The following GPC6 variants were observed in gnomAD, a reference collection of about 807,000 sequenced individuals.
The protein encoded by GPC6 is glypican-6.
A neutral mutation model predicts 55.2 loss-of-function variants in GPC6; 14 were observed. The observed-to-expected ratio is 0.25, with a 90% CI of 0.17 to 0.40. The LOEUF is 0.40. Ranked by LOEUF, GPC6 falls within the 10% of genes least tolerant of loss-of-function variation. The probability of loss-of-function intolerance (pLI) is 1.00; values close to 1 mark genes in which losing one functional copy is unlikely to be tolerated. For missense variants in GPC6, 641 were observed against 708.5 expected, an observed-to-expected ratio of 0.90 and a Z score of 1.08; for synonymous variants, 278 against 259.6, an observed-to-expected ratio of 1.07 and a Z score of -0.68.
At chr13:93,843,069 G>A (rs1400820761) in intron 3 of GPC6, among the ~76,000 whole-genome samples, 2 of 141,986 alleles carry the variant, frequency 1.4e-5, no homozygotes, top group South Asian at 2.3e-4. Flanking sequence ...TCCCCACCTC[G>A]GTGGCACTTC....
At chr13:93,482,550 A>G (rs1056329157) in intron 1 of GPC6, among the ~76,000 whole-genome samples, 1 of 152,152 alleles carries the variant, frequency 6.6e-6, no homozygotes, top group Non-Finnish European at 1.5e-5. Context: ...GTAACCTATC[A>G]TGAAGAAATA....
intron 1 of GPC6, among the ~76,000 whole-genome samples, chr13:93,520,501 T>A (rs962298621): frequency 2.6e-5 from 4 of 151,704 alleles, no homozygotes; most frequent in Non-Finnish European, 5.9e-5. Context: ...TTTAAAGGAA[T>A]CAGTAAGTAT....
chr13:93,650,379 C>G (rs953803775), intron 2 of GPC6, among the ~76,000 whole-genome samples: 1 of 151,930 alleles, frequency 6.6e-6, no homozygotes, highest in Non-Finnish European at 1.5e-5. Context: ...TTACACAATG[C>G]TAGTCAATTA....
chr13:93,546,953 A>G (rs569051645), intron 2 of GPC6, among the ~76,000 whole-genome samples: 92 of 144,588 alleles, frequency 6.4e-4, no homozygotes, highest in African/African-American at 2.2e-3. Context: ...ATGGTAGATG[A>G]TATATATTCT....
chr13:94,081,891 A>G (rs1194135556), intron 4 of GPC6, among the ~76,000 whole-genome samples: 2 of 141,806 alleles, frequency 1.4e-5, no homozygotes, highest in African/African-American at 5.3e-5. Flanking sequence ...CCCAGGCTGG[A>G]GTGCAGTGGC....
intron 1 of GPC6, among the ~76,000 whole-genome samples, chr13:93,445,190 A>C (rs944501472): frequency 2.0e-5 from 3 of 152,202 alleles, no homozygotes; most frequent in African/African-American, 7.2e-5. Flanking sequence ...CGTCTGGAGT[A>C]GTAAGGGATT....
intron 2 of GPC6, among the ~76,000 whole-genome samples, chr13:93,632,704 A>T (rs901438373): frequency 5.9e-5 from 9 of 151,306 alleles, no homozygotes; most frequent in African/African-American, 1.9e-4. Flanking sequence ...ATATATGTAA[A>T]TTATGTACAA....
At chr13:93,313,124 C>T (rs1260637898) in intron 1 of GPC6, among the ~76,000 whole-genome samples, 4 of 152,082 alleles carry the variant, frequency 2.6e-5, no homozygotes, top group East Asian at 1.9e-4. Flanking sequence ...CAAAATGCCC[C>T]TATACTTGTT....
intron 2 of GPC6, among the ~76,000 whole-genome samples, chr13:93,720,269 T>C (rs894886970): frequency 4.6e-5 from 7 of 152,106 alleles, no homozygotes; most frequent in Non-Finnish European, 8.8e-5. Context: ...TATTCAGGGA[T>C]TTGACTTCTT....
intron 2 of GPC6, among the ~76,000 whole-genome samples, chr13:93,632,515 G>A (rs144269690): frequency 2.1e-3 from 315 of 151,820 alleles, no homozygotes; most frequent in African/African-American, 7.2e-3. Flanking sequence ...AGGCTGAGGT[G>A]GGAGGATCAC....
At chr13:93,226,105 T>C (rs1875771964), upstream of GPC6, among the ~76,000 whole-genome samples, 1 of 152,154 alleles carries the variant, frequency 6.6e-6, no homozygotes, top group Non-Finnish European at 1.5e-5. Flanking sequence ...TTGAGAATTA[T>C]GTTAACTTGG....
chr13:94,097,981 A>G (rs536012469), intron 4 of GPC6, among the ~76,000 whole-genome samples: 2 of 152,334 alleles, frequency 1.3e-5, no homozygotes, highest in South Asian at 2.1e-4. Flanking sequence ...TTCAAAAAAC[A>G]CTGCTAATAT....
chr13:93,610,709 C>A (rs1285097520), intron 2 of GPC6, among the ~76,000 whole-genome samples: 1 of 152,062 alleles, frequency 6.6e-6, no homozygotes, highest in Non-Finnish European at 1.5e-5. Flanking sequence ...TACCTACTTA[C>A]ATAAGTAATT....
intron 4 of GPC6, among the ~76,000 whole-genome samples, chr13:94,183,569 G>A (rs1889069401): frequency 6.6e-6 from 1 of 152,066 alleles, no homozygotes. Flanking sequence ...AATGCTCTGG[G>A]GTACATACCT....
At chr13:93,750,636 C>T (rs1286442410) in intron 2 of GPC6, among the ~76,000 whole-genome samples, 4 of 152,228 alleles carry the variant, frequency 2.6e-5, no homozygotes, top group South Asian at 4.1e-4. Flanking sequence ...CACGTGTTCT[C>T]CGTTCTCAGC....
At chr13:93,393,607 G>T (rs1303191972) in intron 1 of GPC6, among the ~76,000 whole-genome samples, 1 of 151,614 alleles carries the variant, frequency 6.6e-6, no homozygotes, top group Non-Finnish European at 1.5e-5. Flanking sequence ...GAAAGCTATT[G>T]CACAAATAAG....
At chr13:94,119,736 T>C (rs1234903098) in intron 4 of GPC6, among the ~76,000 whole-genome samples, 1 of 152,080 alleles carries the variant, frequency 6.6e-6, no homozygotes, top group African/African-American at 2.4e-5. Context: ...TGTAGACCTG[T>C]GTAAGGACTT....
chr13:93,258,938 A>G (rs1877043627), intron 1 of GPC6, among the ~76,000 whole-genome samples: 1 of 152,132 alleles, frequency 6.6e-6, no homozygotes, highest in African/African-American at 2.4e-5. Flanking sequence ...TGACAGAGTG[A>G]GACACTGTCT....
At chr13:94,017,802 C>T (rs1184494326) in intron 3 of GPC6, among the ~76,000 whole-genome samples, 9 of 151,944 alleles carry the variant, frequency 5.9e-5, no homozygotes, top group East Asian at 3.9e-4. Flanking sequence ...CTCAGCCTTC[C>T]GAGTAGCTGG....
Sources: gnomAD v4.1 joint callset for allele counts (sites outside exome capture counted in the v4.1 genomes callset) on GRCh38, gnomAD v4.1.1 for gene constraint, MANE v1.5 for transcripts, NCBI Gene and HGNC (gene_info 2026-07-23, HGNC 2026-07-21) for gene names.